Variants in RMDN1 observed in about 807,000 individuals in gnomAD.
The protein encoded by RMDN1 is regulator of microtubule dynamics protein 1.
RMDN1 carries 48 observed loss-of-function variants against 48.9 expected under a neutral mutation model. The observed-to-expected ratio is 0.98, with a 90% confidence interval of 0.78 to 1.25. RMDN1 has a LOEUF of 1.25. Ranked by LOEUF, RMDN1 falls within the 50% of genes most tolerant of loss-of-function variation. The probability of loss-of-function intolerance (pLI) is 0.00; values close to 1 mark genes in which losing one functional copy is unlikely to be tolerated. For synonymous variants in RMDN1, 148 were observed against 132.6 expected (o/e 1.12, Z -0.80); for missense variants, 418 against 373.4 (o/e 1.12, Z -0.98).
At chr8:86,505,549 C>T (rs1819182625) in intron 2 of RMDN1, among the ~76,000 whole-genome samples, 1 of 152,056 alleles carries the variant, frequency 6.6e-6, no homozygotes, top group Non-Finnish European at 1.5e-5. Flanking sequence ...TTTATTTTAC[C>T]CTCTGGTTTA....
At chr8:86,468,475 G>A (rs545876452), downstream of RMDN1, 2 of 425,796 alleles carry the variant, frequency 4.7e-6, no homozygotes, top group South Asian at 1.7e-5. Flanking sequence ...ATGTGATAGA[G>A]GGAAACTGGC....
chr8:86,476,040 G>A (rs1409506825), intron 8 of RMDN1, among the ~76,000 whole-genome samples: 1 of 152,084 alleles, frequency 6.6e-6, no homozygotes, highest in Non-Finnish European at 1.5e-5. Flanking sequence ...AAGATACTAA[G>A]GGCATCAGAG....
At chr8:86,489,118 A>G (rs898309955) in intron 2 of RMDN1, among the ~76,000 whole-genome samples, 3 of 152,242 alleles carry the variant, frequency 2.0e-5, no homozygotes, top group Non-Finnish European at 2.9e-5. Flanking sequence ...AGAAAATAAA[A>G]GTCATCTACT....
chr8:86,485,919 C>T (rs1006095003), intron 4 of RMDN1, among the ~76,000 whole-genome samples: 1 of 152,210 alleles, frequency 6.6e-6, no homozygotes, highest in Admixed American at 6.5e-5. Context: ...CAAGGTCCAA[C>T]TTCACCCTGC....
At position 86,473,167 on chromosome 8, in the gene RMDN1, A is replaced by T; in HGVS notation, c.*1141T>A. The T allele has an allele frequency of 1.0e-6, 1 of 985,354 alleles. No individual in the cohort carries two copies. The highest frequency in any genetic ancestry group is 1.7e-5 in the African/African-American group (1 of 57,352). 61.0% of individuals were successfully genotyped at this position (985,354 alleles called of 1,614,324 possible). ...TTTCAGTTTTCCTTTTTGTTTGAAA[A>T]TGTACATGACAAACATATCCATACA... On this transcript the variant is annotated 3_prime_UTR_variant, in exon 10 of 10. Coordinates refer to ENST00000406452, the MANE Select transcript of RMDN1 (RefSeq NM_016033.3).
In RMDN1 at chr8:86,474,231, AGTTC is replaced by A; in HGVS notation, c.*73_*76del. Reference sequence around the variant, plus strand: ...ATTTAAAAAGCCGTAGAACAGTTATAGTTCATATATTAAGTTTAGAATTAAAAGA... The same window carrying A: ...ATTTAAAAAGCCGTAGAACAGTTATAATATATTAAGTTTAGAATTAAAAGA... On this transcript the variant is annotated 3_prime_UTR_variant, in exon 10 of 10. Transcript: ENST00000406452. 1 of 1,596,322 alleles carries A rather than the reference AGTTC, an allele frequency of 6.3e-7. No individual in the cohort carries two copies. Among genetic ancestry groups the A allele is most frequent in the South Asian group, 1.1e-5 (1 of 87,892 alleles).
intron 2 of RMDN1, among the ~76,000 whole-genome samples, chr8:86,490,651 GTTGT>G (rs1816332337): frequency 6.6e-6 from 1 of 152,044 alleles, no homozygotes; most frequent in African/African-American, 2.4e-5. Flanking sequence ...ATAAATTTGT[GTTGT>G]TTAAGTCACT....
chr8:86,476,858 G>A (rs1323502195), intron 8 of RMDN1, among the ~76,000 whole-genome samples: 1 of 151,998 alleles, frequency 6.6e-6, no homozygotes, highest in Admixed American at 6.6e-5. Context: ...ACCACACCTG[G>A]CTAATTTTTA....
At chr8:86,475,194 A>C in intron 8 of RMDN1, 1 of 372,108 alleles carries the variant, frequency 2.7e-6, no homozygotes, top group Non-Finnish European at 4.8e-6. Context: ...TCATTTTCAC[A>C]ACTTTGTAAG....
chr8:86,477,254 A>G (rs1220549135), intron 8 of RMDN1, 40 bp downstream of exon 8: 3 of 1,452,638 alleles, frequency 2.1e-6, no homozygotes, highest in South Asian at 2.5e-5. Context: ...CATTCATACA[A>G]TTTTAACTAT....
chr8:86,489,647 T>G (rs192451582), intron 2 of RMDN1, among the ~76,000 whole-genome samples: 12 of 152,168 alleles, frequency 7.9e-5, no homozygotes, highest in Middle Eastern at 6.8e-3. Flanking sequence ...CTAGCCAACA[T>G]GGTGAAACCC....
At chr8:86,481,532 TG>T (rs1200951082) in intron 5 of RMDN1, among the ~76,000 whole-genome samples, 2 of 149,242 alleles carry the variant, frequency 1.3e-5, no homozygotes, top group Admixed American at 6.7e-5. Flanking sequence ...AATGGATGCC[TG>T]GGGGGATCAG....
intron 7 of RMDN1, 150 bp from the exon 8 acceptor site, chr8:86,477,474 G>A: frequency 1.7e-6 from 1 of 581,354 alleles, no homozygotes; most frequent in South Asian, 2.9e-5. Flanking sequence ...AACAGTGAGA[G>A]TTAACACCCA....
chr8:86,499,792 T>C (rs1271408969), intron 2 of RMDN1, among the ~76,000 whole-genome samples: 2 of 152,112 alleles, frequency 1.3e-5, no homozygotes, highest in East Asian at 1.9e-4. Flanking sequence ...CTTCAAACTA[T>C]ACTACGAGAC....
chr8:86,493,669 T>G (rs1454281872), intron 2 of RMDN1, among the ~76,000 whole-genome samples: 2 of 152,206 alleles, frequency 1.3e-5, no homozygotes, highest in African/African-American at 4.8e-5. Context: ...TCCAAAACTT[T>G]GTGAGAGCCA....
In RMDN1 at chr8:86,472,584, G is replaced by A. The variant is rs568866922; in HGVS notation, c.*1724C>T. The A allele has an allele frequency of 6.0e-6, 4 of 666,668 alleles. No individual in the cohort carries two copies. Among genetic ancestry groups the A allele is most frequent in the Admixed American group, 4.6e-5 (2 of 43,318 alleles). 41.3% of individuals were successfully genotyped at this position (666,668 alleles called of 1,614,324 possible). ...TTGTTGCCGTTTAACAGCTGATACA[G>A]GTTTCTGGTGATGCTACTGTTGCCT... On this transcript the variant is annotated 3_prime_UTR_variant, in exon 10 of 10. Coordinates refer to ENST00000406452, the MANE Select transcript of RMDN1 (RefSeq NM_016033.3).
At chr8:86,504,295 G>A in intron 2 of RMDN1, 2 of 1,577,590 alleles carry the variant, frequency 1.3e-6, no homozygotes, top group Admixed American at 1.7e-5. Context: ...TGTATCCCAA[G>A]ACAACCAGGA....
intron 2 of RMDN1, among the ~76,000 whole-genome samples, chr8:86,500,799 C>T (rs1586750913): frequency 6.6e-6 from 1 of 152,074 alleles, no homozygotes; most frequent in East Asian, 1.9e-4. Context: ...ACTGAGATGC[C>T]CATCAATGGT....
chr8:86,483,230 AC>A (rs1452380249), intron 5 of RMDN1, among the ~76,000 whole-genome samples: 6 of 152,250 alleles, frequency 3.9e-5, no homozygotes, highest in Non-Finnish European at 7.3e-5. Context: ...ATAAACATGT[AC>A]ATTTGAAAGC....
Sources: allele counts gnomAD v4.1 joint callset (sites outside exome capture counted in the v4.1 genomes callset), GRCh38; gene constraint gnomAD v4.1.1; transcripts MANE v1.5; gene names NCBI Gene and HGNC (gene_info 2026-07-23, HGNC 2026-07-21).